The following DENND2B variants were observed in gnomAD, a reference collection of about 807,000 sequenced individuals.
The protein encoded by DENND2B is DENN domain containing 2B, also known as DENN domain-containing protein 2B.
In DENND2B, 32 loss-of-function variants were observed where a neutral mutation model predicts 116.0. That is an observed-to-expected ratio of 0.28 (90% CI 0.21 to 0.37). The LOEUF (loss-of-function observed/expected upper bound fraction) is 0.37. Ranked by LOEUF, DENND2B falls within the 10% of genes least tolerant of loss-of-function variation. DENND2B has a pLI of 1.00. For synonymous variants in DENND2B, 588 were observed against 583.9 expected (o/e 1.01, Z -0.10); for missense variants, 1,276 against 1,477.7 (o/e 0.86, Z 2.24).
rs1397201187 is a variant in DENND2B, at chr11:8,696,512, G to A, written c.3207C>T (p.Ile1069=). The change falls in exon 18 of 20, where the codon ATC becomes ATT. Residue 1069 remains isoleucine, a synonymous_variant. Coordinates refer to ENST00000313726, the MANE Select transcript of DENND2B (RefSeq NM_213618.2). ...CCATAAAAACCTCAAGAAAGCGGCG[G>A]ATGCTTTTGGAGGCCACAGATTTGC... is the stretch of plus-strand genomic sequence containing the variant. ...AFRKSVASKS[I]RRFLEVFMES... The A allele has an allele frequency of 6.8e-6, 11 of 1,614,174 alleles. No homozygotes were observed. The South Asian group carries it at 8.8e-5, about 13-fold the overall frequency.
At chr11:8,879,785 A>C (rs1165428090) in intron 2 of DENND2B, among the ~76,000 whole-genome samples, 1 of 152,178 alleles carries the variant, frequency 6.6e-6, no homozygotes, top group African/African-American at 2.4e-5. Flanking sequence ...TGAAAAAAAA[A>C]TTATGGGAAA....
intron 4 of DENND2B, chr11:8,831,975 A>T (rs2062225860): frequency 6.6e-6 from 1 of 152,078 alleles, no homozygotes. Context: ...TTATACCAAG[A>T]CCAAGAGGCA....
At chr11:8,853,065 T>C (rs1220130509) in intron 3 of DENND2B, among the ~76,000 whole-genome samples, 2 of 152,206 alleles carry the variant, frequency 1.3e-5, no homozygotes, top group African/African-American at 4.8e-5. Flanking sequence ...GATTGCTGTC[T>C]TTATGAAAGA....
chr11:8,746,674 G>T (rs1423995498), intron 2 of DENND2B, among the ~76,000 whole-genome samples: 4 of 152,150 alleles, frequency 2.6e-5, no homozygotes, highest in Admixed American at 1.3e-4. Context: ...GAAATGTAAG[G>T]TTTGCATTAG....
chr11:8,764,054 T>C (rs1035229290), intron 1 of DENND2B, among the ~76,000 whole-genome samples: 1 of 151,940 alleles, frequency 6.6e-6, no homozygotes, highest in Non-Finnish European at 1.5e-5. Context: ...TGAAACCCCG[T>C]CTCTACTAAA....
intron 1 of DENND2B, among the ~76,000 whole-genome samples, chr11:8,763,954 T>C (rs2055138825): frequency 6.6e-6 from 1 of 152,114 alleles, no homozygotes; most frequent in Non-Finnish European, 1.5e-5. Flanking sequence ...CCAGGTGTGG[T>C]GGCTCAAGCC....
chr11:8,781,887 T>C (rs1317949607), intron 1 of DENND2B, among the ~76,000 whole-genome samples: 1 of 152,244 alleles, frequency 6.6e-6, no homozygotes, highest in Non-Finnish European at 1.5e-5. Context: ...TGAGATATTA[T>C]ATCATACTTA....
At chr11:8,819,619 T>C (rs2061691699) in intron 4 of DENND2B, among the ~76,000 whole-genome samples, 3 of 152,210 alleles carry the variant, frequency 2.0e-5, no homozygotes, top group Admixed American at 2.0e-4. Flanking sequence ...ACCTCTGTGG[T>C]GCTCTTCCCA....
chr11:8,875,665 G>C (rs1445594907), upstream of DENND2B, among the ~76,000 whole-genome samples: 3 of 151,982 alleles, frequency 2.0e-5, no homozygotes, highest in Non-Finnish European at 4.4e-5. Flanking sequence ...CTGGCTTCAA[G>C]TGATCCTCCC....
At chr11:8,766,770 T>G in intron 1 of DENND2B, 1 of 1,056,122 alleles carries the variant, frequency 9.5e-7, no homozygotes, top group Non-Finnish European at 1.3e-6. Flanking sequence ...AGGACTCAAC[T>G]TTTGTCATTT....
rs1282999450 is a variant in DENND2B, at chr11:8,710,870, C to T, written c.2327G>A (p.Arg776His). 8.1e-6 allele frequency: 13 copies of T among 1,613,844 alleles called. No individual in the cohort carries two copies. Among genetic ancestry groups the T allele is most frequent in the East Asian group, 2.2e-5 (1 of 44,872 alleles). ...FMLTGEDGSR[R>H]FGYCRRLLPS... ...CAGTAAGCGCCTGCAGTAGCCAAAGCGTCTGCTGCCATCTTCCCCAGTCAG... is the reference window on the plus strand; with the variant it reads ...CAGTAAGCGCCTGCAGTAGCCAAAGTGTCTGCTGCCATCTTCCCCAGTCAG... The change falls in exon 11 of 20, where the codon CGC (arginine) becomes CAC (histidine). Residue 776 changes from arginine to histidine, a missense_variant. Coordinates refer to ENST00000313726, the MANE Select transcript of DENND2B (RefSeq NM_213618.2).
At chr11:8,695,072 T>TA (rs942970790) in intron 19 of DENND2B, among the ~76,000 whole-genome samples, 1 of 151,902 alleles carries the variant, frequency 6.6e-6, no homozygotes, top group African/African-American at 2.4e-5. Flanking sequence ...TAAAATAAAA[T>TA]AAATAAAATA....
intron 1 of DENND2B, among the ~76,000 whole-genome samples, chr11:8,786,734 C>T (rs1474777076): frequency 1.3e-5 from 2 of 152,128 alleles, no homozygotes; most frequent in African/African-American, 4.8e-5. Flanking sequence ...CACTTGAGCC[C>T]AGGAGGTCGA....
intron 11 of DENND2B, chr11:8,708,238 T>C: frequency 1.0e-6 from 1 of 985,456 alleles, no homozygotes; most frequent in Non-Finnish European, 1.2e-6. Context: ...GGTACATCCT[T>C]AGGACAAGCC....
At chr11:8,860,407 A>G (rs1014334232) in intron 2 of DENND2B, among the ~76,000 whole-genome samples, 1 of 152,224 alleles carries the variant, frequency 6.6e-6, no homozygotes, top group Non-Finnish European at 1.5e-5. Context: ...ACAACCACCA[A>G]GATGAGAATC....
intron 2 of DENND2B, among the ~76,000 whole-genome samples, chr11:8,738,409 G>A (rs554312449): frequency 2.6e-5 from 4 of 152,192 alleles, no homozygotes; most frequent in Non-Finnish European, 4.4e-5. Flanking sequence ...ACGTCCCAGC[G>A]CTTGGACTTC....
intron 2 of DENND2B, among the ~76,000 whole-genome samples, chr11:8,733,894 A>G (rs1279639601): frequency 1.3e-5 from 2 of 152,230 alleles, no homozygotes; most frequent in Admixed American, 6.5e-5. Context: ...AGCATAAAAT[A>G]GAGAGTAGAC....
intron 1 of DENND2B, among the ~76,000 whole-genome samples, chr11:8,752,249 T>C (rs2052658288): frequency 6.6e-6 from 1 of 152,154 alleles, no homozygotes; most frequent in South Asian, 2.1e-4. Context: ...GGTCAGGAGT[T>C]CAGACCAGCC....
At chr11:8,789,413 C>T (rs2059182897) in intron 1 of DENND2B, among the ~76,000 whole-genome samples, 8 of 152,136 alleles carry the variant, frequency 5.3e-5, no homozygotes, top group Admixed American at 5.2e-4. Context: ...CACAGATTAC[C>T]TGCTAGTCAC....
Sources: allele counts gnomAD v4.1 joint callset (sites outside exome capture counted in the v4.1 genomes callset), GRCh38; gene constraint gnomAD v4.1.1; transcripts MANE v1.5; gene names NCBI Gene and HGNC (gene_info 2026-07-23, HGNC 2026-07-21).